The following MTG2 variants were observed in gnomAD, a reference collection of about 807,000 sequenced individuals.
The protein encoded by MTG2 is mitochondrial ribosome-associated GTPase 2.
Under a neutral mutation model 28.6 loss-of-function variants are expected in MTG2, and 23 were observed. The observed-to-expected ratio is 0.80, with a 90% CI of 0.58 to 1.14. The LOEUF (loss-of-function observed/expected upper bound fraction) is 1.14, where lower values mean the gene tolerates loss of function less well. MTG2 is among the 50% of genes most tolerant of loss of function. MTG2 has a pLI of 0.00. For synonymous variants in MTG2, 260 were observed against 251.8 expected, an observed-to-expected ratio of 1.03 and a Z score of -0.31; for missense variants, 539 against 552.0, an observed-to-expected ratio of 0.98 and a Z score of 0.24.
intron 1 of MTG2, among the ~76,000 whole-genome samples, chr20:62,187,716 GCT>G (rs1487089885): frequency 6.6e-6 from 1 of 152,170 alleles, no homozygotes; most frequent in Non-Finnish European, 1.5e-5. Flanking sequence ...GGAGGTTTGC[GCT>G]CTCTCGTTTT....
intron 1 of MTG2, among the ~76,000 whole-genome samples, chr20:62,186,227 G>A (rs992253562): frequency 2.6e-5 from 4 of 152,106 alleles, no homozygotes; most frequent in East Asian, 1.9e-4. Flanking sequence ...CCCAGTTTCC[G>A]CAACTTTAAA....
rs753741354 is a variant in MTG2, at chr20:62,193,612, T to C, written c.192T>C (p.Ser64=). Residue 64 remains serine, a synonymous_variant, in exon 2 of 7, where the codon TCT becomes TCC. Transcript: ENST00000370823. ...HQELPGKKLL[S]EKKLKRYFVD... is the part of the protein sequence containing the mutation. ...AACTCCCGGGGAAGAAGCTGCTCTC[T>C]GAGAAAAAGCTGGTGAGACTCCTGG... 2 of 1,611,312 alleles carry C rather than the reference T, an allele frequency of 1.2e-6. No individual in the cohort carries two copies. The highest frequency in any genetic ancestry group is 1.7e-6 in the Non-Finnish European group (2 of 1,179,378).
rs1326198630 is a variant in MTG2 at position 62,202,127 on chromosome 20, C to T, written c.*1050C>T. 1 of 152,252 alleles carries T rather than the reference C, an allele frequency of 6.6e-6. No homozygotes were observed. Among genetic ancestry groups the T allele is most frequent in the African/African-American group, 2.4e-5 (1 of 41,458 alleles). The allele number at this position is 152,252 out of a possible 1,614,324, so 9.4% of individuals were successfully genotyped here. On this transcript the variant is annotated 3_prime_UTR_variant, in exon 7 of 7. Coordinates refer to ENST00000370823, the MANE Select transcript of MTG2 (RefSeq NM_015666.4). ...GAGACTGCAGCAGCGCCTTTCCTGTCTGTGGTTTAAGTCTTTGCAGTCAAG... is the reference window on the plus strand; with the variant it reads ...GAGACTGCAGCAGCGCCTTTCCTGTTTGTGGTTTAAGTCTTTGCAGTCAAG...
intron 1 of MTG2, among the ~76,000 whole-genome samples, chr20:62,191,714 T>C (rs1249890781): frequency 6.6e-6 from 1 of 152,078 alleles, no homozygotes; most frequent in Non-Finnish European, 1.5e-5. Context: ...TACACATCTT[T>C]TGTAGTCAGG....
chr20:62,196,635 A>T (rs865898930), intron 3 of MTG2, among the ~76,000 whole-genome samples: 19 of 152,258 alleles, frequency 1.2e-4, no homozygotes, highest in Middle Eastern at 3.4e-3. Context: ...GTGCTGCTGC[A>T]CTCCAGCCTG....
At chr20:62,190,558 G>A (rs1415002387) in intron 1 of MTG2, among the ~76,000 whole-genome samples, 3 of 152,072 alleles carry the variant, frequency 2.0e-5, no homozygotes, top group South Asian at 4.2e-4. Flanking sequence ...TTGCACCTTC[G>A]TTTCTGAAAG....
Position 62,198,843 on chromosome 20 carries a change from C to T in MTG2, c.678C>T (p.His226=), listed in dbSNP as rs769111941. ...ACCTGGAGCTCAAGACGGTGGCCCA[C>T]GCCGGAATGGTAGGTGTCCCCACTG... ...VLHLELKTVA[H]AGMVGFPNAG... Residue 226 remains histidine, a synonymous_variant, in exon 5 of 7, where the codon CAC becomes CAT. Transcript: ENST00000370823. 71 of 1,613,904 alleles carry T rather than the reference C, an allele frequency of 4.4e-5. No individual in the cohort carries two copies. The highest frequency in any genetic ancestry group is 8.3e-5 in the Admixed American group (5 of 59,972).
At chr20:62,198,077 G>A in intron 4 of MTG2, 110 bp downstream of exon 4, 1 of 816,628 alleles carries the variant, frequency 1.2e-6, no homozygotes, top group Non-Finnish European at 2.0e-6. Context: ...CCCACAGCTA[G>A]GAAACAGCAC....
intron 1 of MTG2, among the ~76,000 whole-genome samples, chr20:62,192,956 C>G (rs750653582): frequency 4.6e-5 from 7 of 152,250 alleles, no homozygotes; most frequent in Admixed American, 2.0e-4. Flanking sequence ...CTTTCCAGAG[C>G]CTGGGTGCTT....
chr20:62,187,035 A>G (rs1411992235), intron 1 of MTG2, among the ~76,000 whole-genome samples: 1 of 152,194 alleles, frequency 6.6e-6, no homozygotes, highest in Non-Finnish European at 1.5e-5. Context: ...GGCCCTACGT[A>G]GTGCCCTTAT....
intron 1 of MTG2, among the ~76,000 whole-genome samples, chr20:62,191,777 G>C (rs541334080): frequency 6.6e-6 from 1 of 152,320 alleles, no homozygotes; most frequent in Non-Finnish European, 1.5e-5. Context: ...AGACTGGGGA[G>C]CTCTGGGAGC....
chr20:62,200,962 T>C lies in MTG2; in HGVS notation c.1106T>C (p.Val369Ala). 1 of 1,614,022 alleles carries C rather than the reference T, an allele frequency of 6.2e-7. No homozygotes were observed. The highest frequency in any genetic ancestry group is 1.1e-5 in the South Asian group (1 of 91,086). The change falls in exon 7 of 7, where the codon GTG (valine) becomes GCG (alanine). Residue 369 changes from valine to alanine, a missense_variant. By Grantham distance (64) the Val-to-Ala change is moderately conservative. Transcript: ENST00000370823. The part of the protein sequence containing the change: ...LRDHLGQEVI[V>A]LSALTGENLE... ...GATCACTTGGGACAGGAGGTCATCG[T>C]GCTGTCGGCGTTGACCGGCGAGAAC...
chr20:62,202,718 A>T lies in MTG2; in HGVS notation c.*1641A>T, dbSNP rs1470783109. 1 of 151,294 alleles carries T rather than the reference A, an allele frequency of 6.6e-6. No individual in the cohort carries two copies. Among genetic ancestry groups the T allele is most frequent in the Non-Finnish European group, 1.5e-5 (1 of 68,040 alleles). 9.4% of individuals were successfully genotyped at this position (151,294 alleles called of 1,614,324 possible). A position where few individuals can be genotyped will look rare whatever the true frequency, so the allele number is the denominator to read the frequency against. The stretch of plus-strand genomic sequence containing the variant: ...CAGTGAGCCGAGATCACACCACTGC[A>T]CTCCAGCCTGAGCGACAGAGCAAGA... On this transcript the variant is annotated 3_prime_UTR_variant, in exon 7 of 7. Coordinates refer to ENST00000370823, the MANE Select transcript of MTG2 (RefSeq NM_015666.4).
At chr20:62,194,557 C>T (rs1006362335) in intron 2 of MTG2, among the ~76,000 whole-genome samples, 4 of 152,118 alleles carry the variant, frequency 2.6e-5, no homozygotes, top group African/African-American at 9.7e-5. Context: ...GCCAAAGAAT[C>T]TTAGAATGTT....
intron 2 of MTG2, 142 bp downstream of exon 2, chr20:62,193,766 T>C (rs1601093513): frequency 2.4e-6 from 2 of 826,970 alleles, no homozygotes; most frequent in East Asian, 2.7e-5. Flanking sequence ...TTCTTGAAAA[T>C]GACAGGGTGA....
At chr20:62,185,102 C>T (rs1426310385) in intron 1 of MTG2, among the ~76,000 whole-genome samples, 1 of 151,724 alleles carries the variant, frequency 6.6e-6, no homozygotes, top group Non-Finnish European at 1.5e-5. Flanking sequence ...AAGAGTGAAA[C>T]TCTGCCTCAA....
Position 62,202,782 on chromosome 20 carries a change from G to C in MTG2, c.*1705G>C, listed in dbSNP as rs2058195397. 6.6e-6 allele frequency: 1 copy of C among 151,684 alleles called. No homozygotes were observed. Among genetic ancestry groups the C allele is most frequent in the African/African-American group, 2.4e-5 (1 of 41,272 alleles). 9.4% of individuals were successfully genotyped at this position (151,684 alleles called of 1,614,324 possible). A position where few individuals can be genotyped will look rare whatever the true frequency, so the allele number is the denominator to read the frequency against. On this transcript the variant is annotated 3_prime_UTR_variant, in exon 7 of 7. Coordinates refer to ENST00000370823, the MANE Select transcript of MTG2 (RefSeq NM_015666.4). ...AAAAAAAAAAAGTGGAGGGGACAAAGAAGCAGAGAAGGATGATCAGAAGGG... is the reference window on the plus strand; with the variant it reads ...AAAAAAAAAAAGTGGAGGGGACAAACAAGCAGAGAAGGATGATCAGAAGGG...
chr20:62,194,201 ACCT>A (rs2058017020), intron 2 of MTG2: 2 of 152,096 alleles, frequency 1.3e-5, no homozygotes, highest in African/African-American at 4.8e-5. Flanking sequence ...ATTTACCAAA[ACCT>A]CCTATTTAAA....
chr20:62,185,467 A>G (rs1348703613), intron 1 of MTG2, among the ~76,000 whole-genome samples: 1 of 152,040 alleles, frequency 6.6e-6, no homozygotes, highest in East Asian at 1.9e-4. Flanking sequence ...ATATATATAC[A>G]TGTATATGTA....
Sources: gnomAD v4.1 joint callset for allele counts (sites outside exome capture counted in the v4.1 genomes callset) on GRCh38, gnomAD v4.1.1 for gene constraint, MANE v1.5 for transcripts, NCBI Gene and HGNC (gene_info 2026-07-23, HGNC 2026-07-21) for gene names.